PAQR8: variants seen among roughly 807,000 people sequenced by gnomAD.
PAQR8 encodes progestin and adipoQ receptor family member 8, also known as membrane progestin receptor beta.
In PAQR8, 17 loss-of-function variants were observed where a neutral mutation model predicts 25.2. The observed-to-expected ratio is 0.67, with a 90% CI of 0.46 to 1.01. The LOEUF is 1.01. PAQR8 is among the 50% of genes least tolerant of loss of function. The probability of loss-of-function intolerance (pLI) is 0.00; values close to 1 mark genes in which losing one functional copy is unlikely to be tolerated. For missense variants in PAQR8, 392 were observed against 448.4 expected (o/e 0.87, Z 1.14); for synonymous variants, 204 against 190.6 (o/e 1.07, Z -0.58).
chr6:52,398,502 G>A (rs967767467), intron 1 of PAQR8, among the ~76,000 whole-genome samples: 3 of 149,494 alleles, frequency 2.0e-5, no homozygotes, highest in African/African-American at 7.4e-5. Flanking sequence ...GCCACCATGC[G>A]TGACCTTAGA....
At chr6:52,381,084 A>G (rs747171677) in intron 1 of PAQR8, among the ~76,000 whole-genome samples, 9 of 152,172 alleles carry the variant, frequency 5.9e-5, no homozygotes, top group Admixed American at 5.2e-4. Flanking sequence ...ATTAATATCT[A>G]TGGATGGACA....
chr6:52,403,620 C>T lies in PAQR8; in HGVS notation c.407C>T (p.Ser136Leu). The change falls in exon 2 of 2, where the codon TCA becomes TTA. Residue 136 changes from serine to leucine, a missense_variant. Ser to Leu is a moderately radical substitution (Grantham distance 145, BLOSUM62 -2). Transcript: ENST00000442253. ...CTGGCCCACCTGCTGCAGTCCAAGTCAGAGCTCTCCCACTACACCTTCTAC... is the reference window on the plus strand; with the variant it reads ...CTGGCCCACCTGCTGCAGTCCAAGTTAGAGCTCTCCCACTACACCTTCTAC... The part of the protein sequence containing the change: ...SLLAHLLQSK[S>L]ELSHYTFYFV... 1.2e-6 allele frequency: 2 copies of T among 1,614,178 alleles called. No individual in the cohort carries two copies. Among genetic ancestry groups the T allele is most frequent in the Non-Finnish European group, 1.7e-6 (2 of 1,180,034 alleles).
At chr6:52,386,830 A>C (rs1376603164) in intron 1 of PAQR8, among the ~76,000 whole-genome samples, 3 of 152,244 alleles carry the variant, frequency 2.0e-5, no homozygotes, top group Non-Finnish European at 4.4e-5. Context: ...GAAAAGTTGA[A>C]AAATTTTTAA....
In PAQR8 at chr6:52,404,164, C is replaced by T; in HGVS notation, c.951C>T (p.Pro317=). 1.2e-6 allele frequency: 2 copies of T among 1,614,126 alleles called. No homozygotes were observed. The highest frequency in any genetic ancestry group is 1.7e-6 in the Non-Finnish European group (2 of 1,180,004). The part of the protein sequence containing the change: ...RQEIFLQRHG[P]LSVHMACLSF... ...AGATCTTCCTGCAGCGCCATGGACC[C>T]CTATCTGTCCACATGGCCTGCCTCT... Residue 317 remains proline, a synonymous_variant, in exon 2 of 2, where the codon CCC becomes CCT. Transcript: ENST00000442253.
chr6:52,390,738 A>G (rs1326150270), intron 1 of PAQR8, among the ~76,000 whole-genome samples: 1 of 152,202 alleles, frequency 6.6e-6, no homozygotes, highest in Non-Finnish European at 1.5e-5. Context: ...CCCCATGACC[A>G]ATAGCTTACC....
At chr6:52,375,755 C>G (rs1057148528) in intron 1 of PAQR8, among the ~76,000 whole-genome samples, 2 of 152,154 alleles carry the variant, frequency 1.3e-5, no homozygotes, top group African/African-American at 4.8e-5. Context: ...AGCTCCTGGG[C>G]TCAAGTGATC....
At chr6:52,398,570 T>TTG (rs1286465202) in intron 1 of PAQR8, among the ~76,000 whole-genome samples, 1 of 151,864 alleles carries the variant, frequency 6.6e-6, no homozygotes, top group Admixed American at 6.6e-5. Flanking sequence ...GTTGTTGTTT[T>TTG]TGAGATGAAG....
intron 1 of PAQR8, among the ~76,000 whole-genome samples, chr6:52,381,744 G>C (rs1474945328): frequency 6.6e-6 from 1 of 152,128 alleles, no homozygotes; most frequent in Admixed American, 6.5e-5. Context: ...GTAATATTTT[G>C]GGTGATTTAA....
At chr6:52,390,899 C>T (rs1763699471) in intron 1 of PAQR8, among the ~76,000 whole-genome samples, 1 of 152,062 alleles carries the variant, frequency 6.6e-6, no homozygotes, top group South Asian at 2.1e-4. Context: ...TTAGGTTTTA[C>T]CAATTTTTGC....
intron 1 of PAQR8, among the ~76,000 whole-genome samples, chr6:52,386,795 G>A (rs945530141): frequency 2.0e-5 from 3 of 152,144 alleles, no homozygotes; most frequent in Non-Finnish European, 4.4e-5. Flanking sequence ...TAACAAACCT[G>A]CACATATACC....
rs773890042 is a variant in PAQR8, at chr6:52,404,262, C to T, written c.1049C>T (p.Thr350Ile). 1 of 1,591,190 alleles carries T rather than the reference C, an allele frequency of 6.3e-7. No homozygotes were observed. The highest frequency in any genetic ancestry group is 1.7e-5 in the Admixed American group (1 of 58,956). Residue 350 changes from threonine (T) to isoleucine (I), a missense_variant, in exon 2 of 2, where the codon ACC becomes ATC. Transcript: ENST00000442253. ...AGGCACAAAGTCAAGGCCAGACTGA[C>T]CAAGAAAGATTCCTGAGGCTGGCAA... The part of the protein sequence containing the change: ...LLRHKVKARL[T>I]KKDS
At position 52,404,288 on chromosome 6, in the gene PAQR8, G is replaced by T; in HGVS notation, c.*10G>T. On this transcript the variant is annotated 3_prime_UTR_variant, in exon 2 of 2. Coordinates refer to ENST00000442253, the MANE Select transcript of PAQR8 (RefSeq NM_133367.5). ...CAAGAAAGATTCCTGAGGCTGGCAA[G>T]TGGGGCAACGTGTGGAGGAAGCCCC... 1 of 1,568,404 alleles carries T rather than the reference G, an allele frequency of 6.4e-7. No individual in the cohort carries two copies.
intron 1 of PAQR8, among the ~76,000 whole-genome samples, chr6:52,382,078 C>CCGTA (rs1285046876): frequency 6.6e-6 from 1 of 152,182 alleles, no homozygotes; most frequent in Non-Finnish European, 1.5e-5. Context: ...CAGGGAGGTA[C>CCGTA]CATACAACAC....
chr6:52,381,257 G>A (rs918791847), intron 1 of PAQR8, among the ~76,000 whole-genome samples: 2 of 152,184 alleles, frequency 1.3e-5, no homozygotes, highest in African/African-American at 4.8e-5. Flanking sequence ...AAGAGGAAAC[G>A]GATTCTCTCT....
chr6:52,373,827 A>G (rs1004770375), intron 1 of PAQR8, among the ~76,000 whole-genome samples: 3 of 151,946 alleles, frequency 2.0e-5, no homozygotes, highest in African/African-American at 4.8e-5. Flanking sequence ...CGTATTGACT[A>G]ATTGATCAAG....
At chr6:52,388,783 G>T (rs1350874429) in intron 1 of PAQR8, among the ~76,000 whole-genome samples, 1 of 152,120 alleles carries the variant, frequency 6.6e-6, no homozygotes, top group Non-Finnish European at 1.5e-5. Context: ...AAAGACAGAG[G>T]GCTTAATAAG....
intron 1 of PAQR8, among the ~76,000 whole-genome samples, chr6:52,373,907 A>G (rs1763451608): frequency 6.6e-6 from 1 of 152,082 alleles, no homozygotes; most frequent in Admixed American, 6.5e-5. Context: ...TATAATCCCC[A>G]GTGTTGGAAG....
chr6:52,402,981 G>A (rs922984788), intron 1 of PAQR8, among the ~76,000 whole-genome samples, 181 bp from the exon 2 acceptor site: 1 of 152,194 alleles, frequency 6.6e-6, no homozygotes, highest in Non-Finnish European at 1.5e-5. Flanking sequence ...CTACTCTGGA[G>A]GATCACCTGA....
At chr6:52,392,195 C>G (rs924835098) in intron 1 of PAQR8, among the ~76,000 whole-genome samples, 2 of 152,004 alleles carry the variant, frequency 1.3e-5, no homozygotes, top group Non-Finnish European at 2.9e-5. Flanking sequence ...GCAAAAAAAA[C>G]TAGCTGGGTG....
Sources: allele counts gnomAD v4.1 joint callset (sites outside exome capture counted in the v4.1 genomes callset), GRCh38; gene constraint gnomAD v4.1.1; transcripts MANE v1.5; gene names NCBI Gene and HGNC (gene_info 2026-07-23, HGNC 2026-07-21).